LCOR: variants seen among roughly 807,000 people sequenced by gnomAD.
LCOR encodes the protein ligand dependent nuclear receptor corepressor, also known as ligand-dependent corepressor.
A neutral mutation model predicts 64.4 loss-of-function variants in LCOR; 14 were observed. The ratio of observed to expected loss-of-function variants is 0.22; its 90% CI spans 0.14 to 0.34. The LOEUF (loss-of-function observed/expected upper bound fraction) is 0.34. LCOR is among the 10% of genes least tolerant of loss of function. LCOR has a pLI of 1.00. For synonymous variants in LCOR, 643 were observed against 642.5 expected (o/e 1.00, Z -0.01); for missense variants, 1,686 against 1,765.3 (o/e 0.96, Z 0.80).
At chr10:96,974,490 C>G (rs917985480) in intron 7 of LCOR, among the ~76,000 whole-genome samples, 3 of 152,196 alleles carry the variant, frequency 2.0e-5, no homozygotes, top group African/African-American at 7.2e-5. Flanking sequence ...AATTACTGTT[C>G]TTATAAAGAC....
At chr10:96,963,857 A>G (rs1336876410) in intron 7 of LCOR, 6 of 152,228 alleles carry the variant, frequency 3.9e-5, no homozygotes, top group African/African-American at 1.4e-4. Flanking sequence ...TATAAAACCC[A>G]TAGCCTTTGG....
chr10:96,841,362 C>CT (rs199853768), intron 2 of LCOR, among the ~76,000 whole-genome samples: 20,914 of 134,762 alleles, frequency 0.16, 1,785 homozygotes, highest in Middle Eastern at 0.22. Context: ...AAAACTTACA[C>CT]TTTTTTTTTT....
At chr10:96,937,643 C>T (rs1847373909) in intron 4 of LCOR, among the ~76,000 whole-genome samples, 1 of 152,056 alleles carries the variant, frequency 6.6e-6, no homozygotes, top group Non-Finnish European at 1.5e-5. Context: ...TGAGCCACCA[C>T]ACTCTGCCTT....
At chr10:96,918,669 T>C (rs1202636333) in intron 4 of LCOR, among the ~76,000 whole-genome samples, 3 of 152,220 alleles carry the variant, frequency 2.0e-5, no homozygotes, top group Non-Finnish European at 4.4e-5. Context: ...AGGTATTAGT[T>C]ACTGGACATT....
intron 2 of LCOR, among the ~76,000 whole-genome samples, chr10:96,895,041 CCTTAA>C (rs1458049993): frequency 2.6e-5 from 4 of 152,096 alleles, no homozygotes; most frequent in Admixed American, 2.0e-4. Context: ...TGCTTCCTTT[CCTTAA>C]CTTAATATGA....
At chr10:96,876,847 C>G (rs1846174150) in intron 2 of LCOR, among the ~76,000 whole-genome samples, 1 of 152,056 alleles carries the variant, frequency 6.6e-6, no homozygotes, top group Non-Finnish European at 1.5e-5. Context: ...GTGCCTGTCA[C>G]CACACCCGGC....
rs1234675785 is a variant in LCOR at position 96,987,614 on chromosome 10, A to G, written c.*2480A>G. On this transcript the variant is annotated 3_prime_UTR_variant, in exon 8 of 8. Transcript: ENST00000421806. ...CTTTAAAATCAACTTATACTTTATA[A>G]TAAGGACATTTAAATAGACCAAGAG... The G allele has an allele frequency of 4.6e-5, 7 of 152,258 alleles. No individual in the cohort carries two copies. The highest frequency in any genetic ancestry group is 9.6e-5 in the African/African-American group (4 of 41,480). 9.4% of individuals were successfully genotyped at this position (152,258 alleles called of 1,614,324 possible).
intron 4 of LCOR, among the ~76,000 whole-genome samples, chr10:96,924,133 A>T (rs1224103180): frequency 1.3e-5 from 2 of 152,118 alleles, no homozygotes; most frequent in East Asian, 1.9e-4. Context: ...GACGGCTGGG[A>T]TTATGGAGGA....
At chr10:96,856,200 A>T (rs1222101492) in intron 2 of LCOR, among the ~76,000 whole-genome samples, 1 of 151,754 alleles carries the variant, frequency 6.6e-6, no homozygotes, top group Non-Finnish European at 1.5e-5. Context: ...CCTCCTGAGT[A>T]GCTGGGATTA....
chr10:96,955,240 T>C, intron 7 of LCOR: 1 of 1,614,206 alleles, frequency 6.2e-7, no homozygotes, highest in Non-Finnish European at 8.5e-7. Context: ...CTCAGCCGTA[T>C]GAAGTTCAGG....
chr10:96,908,957 C>T (rs1223111066), intron 4 of LCOR, among the ~76,000 whole-genome samples: 5 of 152,202 alleles, frequency 3.3e-5, no homozygotes, highest in East Asian at 3.9e-4. Context: ...CCTTGTGATC[C>T]GCCCGCCTCG....
At chr10:96,913,519 T>C (rs1846883053) in intron 4 of LCOR, among the ~76,000 whole-genome samples, 1 of 152,146 alleles carries the variant, frequency 6.6e-6, no homozygotes, top group Admixed American at 6.5e-5. Flanking sequence ...CTAAGGATGA[T>C]GGGAGAGTAG....
chr10:96,956,057 A>G, intron 7 of LCOR: 1 of 1,458,020 alleles, frequency 6.9e-7, no homozygotes. Context: ...ACTTGTGTGT[A>G]CAGAGATGAA....
chr10:96,844,762 C>T (rs1167996036), intron 2 of LCOR, among the ~76,000 whole-genome samples: 2 of 152,200 alleles, frequency 1.3e-5, no homozygotes, highest in Non-Finnish European at 2.9e-5. Flanking sequence ...CAGAGGGTAT[C>T]TGAGTGATAC....
intron 2 of LCOR, among the ~76,000 whole-genome samples, chr10:96,877,598 A>ATTTTTTTTTT (rs57119025): frequency 4.6e-5 from 3 of 65,662 alleles, no homozygotes; most frequent in African/African-American, 1.3e-4. Context: ...ATTTTTCTGA[A>ATTTTTTTTTT]TTTTTTTTTT....
intron 4 of LCOR, among the ~76,000 whole-genome samples, chr10:96,931,061 T>C (rs1847250824): frequency 6.6e-6 from 1 of 152,116 alleles, no homozygotes; most frequent in African/African-American, 2.4e-5. Context: ...TCCTATTAGA[T>C]AATAAAAGTG....
intron 2 of LCOR, among the ~76,000 whole-genome samples, chr10:96,841,857 C>G (rs1845547375): frequency 6.6e-6 from 1 of 151,768 alleles, no homozygotes; most frequent in Admixed American, 6.6e-5. Flanking sequence ...ACCTCAACGT[C>G]CCAAAGTGCT....
In LCOR at chr10:96,883,464, A is replaced by G. The variant is rs191924853; in HGVS notation, c.-329-23801A>G. The stretch of plus-strand genomic sequence containing the variant: ...AACAGTCTTCCAAAGTGGTTGTACA[A>G]TTTCGCATTTCTGAGAGTTCTGTTG... On this transcript the variant is annotated intron_variant, in intron 2 of 7. Coordinates refer to ENST00000421806, the MANE Select transcript of LCOR (RefSeq NM_001346516.2). Among the ~76,000 whole-genome samples, 33 of 152,322 alleles carry G rather than the reference A, an allele frequency of 2.2e-4. No individual in the cohort carries two copies. The East Asian group carries it at 5.2e-3, about 24-fold the overall frequency.
intron 4 of LCOR, among the ~76,000 whole-genome samples, chr10:96,934,172 G>C (rs763593780): frequency 3.9e-5 from 6 of 152,098 alleles, no homozygotes; most frequent in Non-Finnish European, 7.4e-5. Context: ...ATGGTAATAA[G>C]CTTTATAATC....
Sources: allele counts gnomAD v4.1 joint callset (sites outside exome capture counted in the v4.1 genomes callset), GRCh38; gene constraint gnomAD v4.1.1; transcripts MANE v1.5; gene names NCBI Gene and HGNC (gene_info 2026-07-23, HGNC 2026-07-21).